Variants in LRBA observed in about 807,000 individuals in gnomAD.
LRBA encodes lipopolysaccharide-responsive and beige-like anchor protein.
LRBA carries 176 observed loss-of-function variants against 330.0 expected under a neutral mutation model. The ratio of observed to expected loss-of-function variants is 0.53; its 90% CI spans 0.47 to 0.60. The LOEUF is 0.60. LRBA is among the 20% of genes least tolerant of loss of function. The pLI is 0.00. For synonymous variants in LRBA, 1,230 were observed against 1,193.0 expected (o/e 1.03, Z -0.64); for missense variants, 3,259 against 3,444.8 (o/e 0.95, Z 1.35).
intron 38 of LRBA, among the ~76,000 whole-genome samples, 177 bp from the exon 39 acceptor site, chr4:150,591,036 C>G (rs1772763445): frequency 6.6e-6 from 1 of 152,066 alleles, no homozygotes; most frequent in Non-Finnish European, 1.5e-5. Context: ...AAACTCGATC[C>G]CCCAACCTAG....
At chr4:150,954,817 C>CAAAAAAAAAAAAAAAAAA (rs34282784) in intron 2 of LRBA, among the ~76,000 whole-genome samples, 1 of 45,500 alleles carries the variant, frequency 2.2e-5, no homozygotes, top group Non-Finnish European at 3.6e-5. Context: ...ACTCAGAAAT[C>CAAAAAAAAAAAAAAAAAA]AAAAAAAAAA....
chr4:150,788,620 C>A (rs1739435801), intron 34 of LRBA, among the ~76,000 whole-genome samples: 1 of 151,718 alleles, frequency 6.6e-6, no homozygotes, highest in African/African-American at 2.4e-5. Context: ...ATTAGCCGGG[C>A]ATGATGGCAG....
At chr4:150,351,880 TAAAC>T (rs925271057) in intron 47 of LRBA, among the ~76,000 whole-genome samples, 1 of 152,094 alleles carries the variant, frequency 6.6e-6, no homozygotes, top group African/African-American at 2.4e-5. Context: ...CAGTAAGAGA[TAAAC>T]AACAATAACA....
At chr4:151,011,455 G>A (rs923572651) in intron 2 of LRBA, among the ~76,000 whole-genome samples, 89 of 151,924 alleles carry the variant, frequency 5.9e-4, no homozygotes, top group African/African-American at 1.9e-3. Context: ...AAAATTAGTC[G>A]GGCCTCATGG....
chr4:150,597,771 C>G (rs1264032942), intron 38 of LRBA, among the ~76,000 whole-genome samples: 1 of 151,906 alleles, frequency 6.6e-6, no homozygotes. Context: ...CACCTAAAAA[C>G]TATATGTACT....
intron 44 of LRBA, among the ~76,000 whole-genome samples, chr4:150,456,674 A>C (rs1420523909): frequency 6.6e-6 from 1 of 151,756 alleles, no homozygotes; most frequent in Non-Finnish European, 1.5e-5. Context: ...AGCCTTTTTA[A>C]CTTGATGTGG....
intron 40 of LRBA, among the ~76,000 whole-genome samples, chr4:150,498,294 T>C (rs1581494250): frequency 1.3e-5 from 2 of 152,182 alleles, no homozygotes; most frequent in African/African-American, 4.8e-5. Context: ...TTATTTTCAA[T>C]ATTCCTCAGC....
intron 36 of LRBA, among the ~76,000 whole-genome samples, chr4:150,700,422 A>G (rs950471265): frequency 6.6e-6 from 1 of 152,192 alleles, no homozygotes; most frequent in East Asian, 1.9e-4. Flanking sequence ...AAACAAACAA[A>G]AAAAATGGTA....
intron 42 of LRBA, among the ~76,000 whole-genome samples, chr4:150,485,373 C>T (rs1227105476): frequency 6.6e-6 from 1 of 151,804 alleles, no homozygotes; most frequent in Admixed American, 6.6e-5. Context: ...TAATATAATG[C>T]TTTGTGTGGT....
chr4:150,633,931 A>G (rs1315166477), intron 37 of LRBA, among the ~76,000 whole-genome samples: 1 of 152,182 alleles, frequency 6.6e-6, no homozygotes, highest in East Asian at 1.9e-4. Context: ...CCTGGCCAAC[A>G]TAGTGAAACC....
intron 2 of LRBA, among the ~76,000 whole-genome samples, chr4:150,942,694 A>G (rs1045633434): frequency 7.9e-5 from 12 of 152,294 alleles, no homozygotes; most frequent in Middle Eastern, 3.4e-3. Context: ...TTCTACTATC[A>G]TAACTAATCC....
chr4:150,955,445 T>C (rs747782354), intron 2 of LRBA, among the ~76,000 whole-genome samples: 1 of 148,746 alleles, frequency 6.7e-6, no homozygotes, highest in Non-Finnish European at 1.5e-5. Flanking sequence ...AATATAACCT[T>C]TGAACATGCA....
Position 150,817,246 on chromosome 4 carries a change from A to G in LRBA, c.5183T>C (p.Val1728Ala), listed in dbSNP as rs1744737915. The change falls in exon 31 of 57, where the codon GTT becomes GCT. Residue 1728 changes from valine to alanine, a missense_variant. By Grantham distance (64) the Val-to-Ala change is moderately conservative. Transcript: ENST00000651943. ...QFRSFDRSVI[V>A]AAKKSAVSPS... Reference sequence around the variant, plus strand: ...TGAGACTGCTGACTTTTTTGCTGCAACAATGACACTTCTGTAATAAAGAAA... The same window carrying G: ...TGAGACTGCTGACTTTTTTGCTGCAGCAATGACACTTCTGTAATAAAGAAA... The G allele has an allele frequency of 6.2e-7, 1 of 1,611,914 alleles. No individual in the cohort carries two copies. Among genetic ancestry groups the G allele is most frequent in the African/African-American group, 1.3e-5 (1 of 74,922 alleles).
At chr4:150,513,364 G>C (rs1561287648) in intron 40 of LRBA, among the ~76,000 whole-genome samples, 1 of 152,180 alleles carries the variant, frequency 6.6e-6, no homozygotes, top group African/African-American at 2.4e-5. Context: ...AGGTAATGAT[G>C]CTTTATAAGG....
chr4:150,833,553 ATACTG>A (rs1747528944), intron 28 of LRBA, among the ~76,000 whole-genome samples: 1 of 152,214 alleles, frequency 6.6e-6, no homozygotes, highest in Non-Finnish European at 1.5e-5. Flanking sequence ...CGTTTACACT[ATACTG>A]TAATCTATTA....
chr4:150,518,482 T>C, intron 40 of LRBA, among the ~76,000 whole-genome samples: 1 of 152,242 alleles, frequency 6.6e-6, no homozygotes, highest in East Asian at 1.9e-4. Flanking sequence ...TCATGTAGGA[T>C]GAAAGTCAAC....
rs1744745093 is a variant in LRBA, at chr4:150,817,268, G to GA, written c.5172-12dup. On this transcript the variant is annotated splice_polypyrimidine_tract_variant and intron_variant, in intron 30 of 56. Transcript: ENST00000651943. ...GCAACAATGACACTTCTGTAATAAA[G>GA]AAAGTAAACAGACTGAAAGATACAA... 4 of 1,610,050 alleles carry GA rather than the reference G, an allele frequency of 2.5e-6. No homozygotes were observed. Among genetic ancestry groups the GA allele is most frequent in the Non-Finnish European group, 3.4e-6 (4 of 1,177,234 alleles).
intron 53 of LRBA, among the ~76,000 whole-genome samples, chr4:150,293,271 A>G (rs1728558813): frequency 6.6e-6 from 1 of 152,218 alleles, no homozygotes; most frequent in Non-Finnish European, 1.5e-5. Context: ...AAATCAAGAA[A>G]GGAAATGGCT....
intron 2 of LRBA, among the ~76,000 whole-genome samples, chr4:150,940,920 T>C (rs1735602772): frequency 6.6e-6 from 1 of 152,152 alleles, no homozygotes; most frequent in East Asian, 1.9e-4. Context: ...TTTCATAATT[T>C]ATTATAATTT....
Sources: gnomAD v4.1 joint callset for allele counts (sites outside exome capture counted in the v4.1 genomes callset) on GRCh38, gnomAD v4.1.1 for gene constraint, MANE v1.5 for transcripts, NCBI Gene and HGNC (gene_info 2026-07-23, HGNC 2026-07-21) for gene names.